COBL: variants seen among roughly 807,000 people sequenced by gnomAD.
COBL encodes the protein protein cordon-bleu.
COBL carries 51 observed loss-of-function variants against 98.8 expected under a neutral mutation model. The ratio of observed to expected loss-of-function variants is 0.52; its 90% CI spans 0.41 to 0.65. The LOEUF (loss-of-function observed/expected upper bound fraction) is 0.65. Among genes scored for constraint, COBL ranks in the 30% least tolerant of loss-of-function variants. COBL has a pLI of 0.00. For missense variants in COBL, 1,617 were observed against 1,617.5 expected, an observed-to-expected ratio of 1.00 and a Z score of 0.01; for synonymous variants, 634 against 651.7, an observed-to-expected ratio of 0.97 and a Z score of 0.41.
At chr7:51,126,963 A>G (rs2128996320) in intron 6 of COBL, among the ~76,000 whole-genome samples, 1 of 152,166 alleles carries the variant, frequency 6.6e-6, no homozygotes, top group East Asian at 1.9e-4. Context: ...ACCCGCTCAT[A>G]AATGTCTACT....
At chr7:51,172,413 CCAAG>C in intron 5 of COBL, 1 of 1,212,796 alleles carries the variant, frequency 8.2e-7, no homozygotes, top group Non-Finnish European at 1.1e-6. Context: ...GCAAGAAGTT[CCAAG>C]CAATTAGCGG....
At chr7:51,033,450 T>A (rs1788345540) in intron 8 of COBL, 1 of 152,272 alleles carries the variant, frequency 6.6e-6, no homozygotes, top group African/African-American at 2.4e-5. Flanking sequence ...AATATGATGA[T>A]CATTAAGTCT....
At chr7:51,065,355 ACT>A (rs1791811084) in intron 7 of COBL, 1 of 703,446 alleles carries the variant, frequency 1.4e-6, no homozygotes, top group African/African-American at 1.7e-5. Context: ...TGCGGCCCTC[ACT>A]CATCCACAGG....
intron 6 of COBL, among the ~76,000 whole-genome samples, chr7:51,092,419 A>AT (rs1310959191): frequency 6.6e-6 from 1 of 152,182 alleles, no homozygotes; most frequent in African/African-American, 2.4e-5. Flanking sequence ...CAGGCCTTAC[A>AT]TTTAACTTTT....
intron 1 of COBL, among the ~76,000 whole-genome samples, chr7:51,282,299 G>A (rs1288552824): frequency 6.6e-5 from 10 of 152,028 alleles, no homozygotes; most frequent in Admixed American, 5.9e-4. Context: ...CTAAAAGACA[G>A]ATATTATTTA....
At chr7:51,031,840 A>G (rs566086365) in intron 8 of COBL, 2 of 152,302 alleles carry the variant, frequency 1.3e-5, no homozygotes, top group East Asian at 1.9e-4. Context: ...ACTGGGACAT[A>G]AGGACAATAA....
At chr7:51,178,842 C>T (rs1201981280) in intron 5 of COBL, among the ~76,000 whole-genome samples, 1 of 152,178 alleles carries the variant, frequency 6.6e-6, no homozygotes, top group Non-Finnish European at 1.5e-5. Flanking sequence ...CTCCCGACCT[C>T]AGGCGATCCA....
At chr7:51,046,288 C>T (rs1214775354) in intron 7 of COBL, among the ~76,000 whole-genome samples, 2 of 152,092 alleles carry the variant, frequency 1.3e-5, no homozygotes, top group Non-Finnish European at 1.5e-5. Flanking sequence ...AGGGGGAGCA[C>T]CTGCAAAGGC....
At chr7:51,218,911 G>A (rs1006327572) in intron 2 of COBL, among the ~76,000 whole-genome samples, 10 of 152,110 alleles carry the variant, frequency 6.6e-5, no homozygotes, top group African/African-American at 1.2e-4. Flanking sequence ...TCAGTAAAAC[G>A]TATAAATTAT....
At chr7:51,086,002 G>A (rs757196076) in intron 6 of COBL, among the ~76,000 whole-genome samples, 4 of 152,102 alleles carry the variant, frequency 2.6e-5, no homozygotes, top group Admixed American at 1.3e-4. Context: ...ATGAATACTG[G>A]GCAGGTCTAA....
chr7:51,062,894 G>A lies in COBL; in HGVS notation c.1097-19202C>T, dbSNP rs531937262. ...CTGGGGCACACACAGGAGCAACCACGGTGAAGTCCTGAGTCCTTGACATGC... is the reference window on the plus strand; with the variant it reads ...CTGGGGCACACACAGGAGCAACCACAGTGAAGTCCTGAGTCCTTGACATGC... On this transcript the variant is annotated intron_variant, in intron 7 of 12. Transcript: ENST00000265136. Among the ~76,000 whole-genome samples, 119 of 152,240 alleles carry A rather than the reference G, an allele frequency of 7.8e-4. 1 individual carries two copies. Among genetic ancestry groups the A allele is most frequent in the African/African-American group, 2.8e-3 (115 of 41,540 alleles).
At chr7:51,117,461 C>G (rs893940994) in intron 6 of COBL, among the ~76,000 whole-genome samples, 32 of 151,804 alleles carry the variant, frequency 2.1e-4, no homozygotes, top group African/African-American at 7.5e-4. Context: ...CTGCCTTTTT[C>G]TTTTGTTACC....
chr7:51,107,089 TTTG>T (rs796215320), intron 6 of COBL, among the ~76,000 whole-genome samples: 825 of 60,702 alleles, frequency 0.014, 14 homozygotes, highest in African/African-American at 0.033. Flanking sequence ...TCCTAGTTTG[TTTG>T]TTTTTTTTTT....
At chr7:51,272,924 C>A (rs1038437585) in intron 1 of COBL, among the ~76,000 whole-genome samples, 1 of 151,750 alleles carries the variant, frequency 6.6e-6, no homozygotes, top group Middle Eastern at 3.2e-3. Flanking sequence ...TCTATGTCTG[C>A]GTTTTCATCT....
rs1784935805 is a variant in COBL, at chr7:51,145,444, G to A, written c.784-9113C>T. On this transcript the variant is annotated intron_variant, in intron 5 of 12. Coordinates refer to ENST00000265136, the MANE Select transcript of COBL (RefSeq NM_015198.5). ...CGCCCAGGCTGGAGTGCAGTGGCACGAACTCAGTTCACTGCAACCTCTACC... is the reference window on the plus strand; with the variant it reads ...CGCCCAGGCTGGAGTGCAGTGGCACAAACTCAGTTCACTGCAACCTCTACC... Among the ~76,000 whole-genome samples the A allele has an allele frequency of 2.7e-5, 4 of 149,280 alleles. No individual in the cohort carries two copies. In the South Asian group the frequency reaches 6.4e-4, roughly 24 times the overall value.
chr7:51,202,822 C>T (rs1791260476), intron 2 of COBL, among the ~76,000 whole-genome samples: 1 of 152,178 alleles, frequency 6.6e-6, no homozygotes, highest in Admixed American at 6.5e-5. Flanking sequence ...AGGTGGATCA[C>T]TTGAGGTCAG....
chr7:51,237,957 T>C (rs1006053032), intron 1 of COBL, among the ~76,000 whole-genome samples: 14 of 152,212 alleles, frequency 9.2e-5, no homozygotes, highest in Admixed American at 9.2e-4. Flanking sequence ...GGTGGCTCTG[T>C]TGACATCCTC....
chr7:51,107,782 C>T (rs77529254), intron 6 of COBL, among the ~76,000 whole-genome samples: 12,498 of 152,112 alleles, frequency 0.082, 740 homozygotes, highest in South Asian at 0.12. Flanking sequence ...CTCACAGTCC[C>T]CTGGGGAATA....
chr7:51,143,974 G>A (rs1784795334), intron 5 of COBL, among the ~76,000 whole-genome samples: 1 of 152,168 alleles, frequency 6.6e-6, no homozygotes, highest in Admixed American at 6.5e-5. Flanking sequence ...CTATAGAAGA[G>A]GGTTAAGAGG....
Sources: allele counts gnomAD v4.1 joint callset (sites outside exome capture counted in the v4.1 genomes callset), GRCh38; gene constraint gnomAD v4.1.1; transcripts MANE v1.5; gene names NCBI Gene and HGNC (gene_info 2026-07-23, HGNC 2026-07-21).